The following MSRA variants were observed in gnomAD, a reference collection of about 807,000 sequenced individuals.
The protein encoded by MSRA is methionine sulfoxide reductase A.
Under a neutral mutation model 31.3 loss-of-function variants are expected in MSRA, and 54 were observed. The observed-to-expected ratio is 1.73, with a 90% CI of 1.39 to 2.17. MSRA has a LOEUF of 2.17. Ranked by LOEUF, MSRA falls within the 30% of genes most tolerant of loss-of-function variation. The pLI is 0.00. For missense variants in MSRA, 507 were observed against 300.9 expected (o/e 1.69, Z -5.07); for synonymous variants, 169 against 116.5 (o/e 1.45, Z -2.90).
intron 5 of MSRA, among the ~76,000 whole-genome samples, chr8:10,327,083 C>A (rs555718315): frequency 1.4e-4 from 22 of 152,110 alleles, no homozygotes; most frequent in South Asian, 4.2e-4. Context: ...ATTTCTCTCG[C>A]GAAAAAGAGA....
At chr8:10,365,142 CA>C (rs1171189760) in intron 5 of MSRA, among the ~76,000 whole-genome samples, 1,759 of 61,294 alleles carry the variant, frequency 0.029, 20 homozygotes, top group African/African-American at 0.076. Context: ...GTGAAGCAAC[CA>C]AAAAAAAAAA....
intron 2 of MSRA, among the ~76,000 whole-genome samples, chr8:10,213,599 G>A (rs1809716204): frequency 6.6e-6 from 1 of 151,872 alleles, no homozygotes; most frequent in Non-Finnish European, 1.5e-5. Context: ...AACATGCCTG[G>A]CTAATTTTCT....
chr8:10,255,730 T>C (rs1212806465), intron 3 of MSRA, among the ~76,000 whole-genome samples: 1 of 150,246 alleles, frequency 6.7e-6, no homozygotes, highest in Non-Finnish European at 1.5e-5. Context: ...GGTCGTAAAA[T>C]GGTGAAATCA....
chr8:10,249,428 A>G (rs891800152), intron 3 of MSRA, among the ~76,000 whole-genome samples: 1 of 152,160 alleles, frequency 6.6e-6, no homozygotes, highest in African/African-American at 2.4e-5. Flanking sequence ...TGCCTCCTGC[A>G]TTTCCCTGGA....
chr8:10,287,625 G>C (rs552956895), intron 3 of MSRA, among the ~76,000 whole-genome samples: 1 of 152,160 alleles, frequency 6.6e-6, no homozygotes, highest in African/African-American at 2.4e-5. Context: ...CTTACTATTA[G>C]TGTCTTGGTC....
At chr8:10,102,304 T>G (rs1212025315) in intron 1 of MSRA, among the ~76,000 whole-genome samples, 1 of 152,210 alleles carries the variant, frequency 6.6e-6, no homozygotes, top group Non-Finnish European at 1.5e-5. Flanking sequence ...CTACCAGTGC[T>G]TGATACTGAT....
intron 3 of MSRA, among the ~76,000 whole-genome samples, chr8:10,256,520 T>G (rs576048441): frequency 6.6e-6 from 1 of 152,338 alleles, no homozygotes; most frequent in South Asian, 2.1e-4. Context: ...AATGAAGTTC[T>G]ACCAGAGAGG....
intron 5 of MSRA, among the ~76,000 whole-genome samples, chr8:10,331,391 A>G (rs1008962449): frequency 6.6e-6 from 1 of 152,176 alleles, no homozygotes; most frequent in Non-Finnish European, 1.5e-5. Flanking sequence ...GGGGAAATTA[A>G]GAACAGTGGA....
At position 10,219,805 on chromosome 8, in the gene MSRA, C is replaced by CAAAAAAAAAAAAAAAAAAAAA. The variant is rs202000887; in HGVS notation, c.211+11904_211+11905insAAAAAAAAAAAAAAAAAAAAA. Among the ~76,000 whole-genome samples the CAAAAAAAAAAAAAAAAAAAAA allele has an allele frequency of 2.4e-4, 11 of 46,072 alleles. 1 individual carries two copies. Among genetic ancestry groups the CAAAAAAAAAAAAAAAAAAAAA allele is most frequent in the African/African-American group, 1.8e-3 (11 of 5,998 alleles). 30.2% of individuals were successfully genotyped at this position (46,072 alleles called of 152,430 possible). A position where few individuals can be genotyped will look rare whatever the true frequency, so the allele number is the denominator to read the frequency against. On this transcript the variant is annotated intron_variant, in intron 2 of 5. Coordinates refer to ENST00000317173, the MANE Select transcript of MSRA (RefSeq NM_012331.5). ...TGGACGACAGATCGAGACTCTGTCT[C>CAAAAAAAAAAAAAAAAAAAAA]CAAAAAAAAAAAAAAAAAAAAAAGA...
At chr8:10,243,778 C>T (rs186682866) in intron 2 of MSRA, among the ~76,000 whole-genome samples, 159 of 152,178 alleles carry the variant, frequency 1.0e-3, no homozygotes, top group Middle Eastern at 3.4e-3. Flanking sequence ...AATAAAAGTG[C>T]ATGTAATTGT....
intron 1 of MSRA, among the ~76,000 whole-genome samples, chr8:10,114,744 T>C (rs1004088414): frequency 3.9e-5 from 6 of 152,164 alleles, no homozygotes; most frequent in Non-Finnish European, 8.8e-5. Context: ...CACAAAAATT[T>C]ACTAAAGGGA....
At chr8:10,290,564 T>G (rs1010938794) in intron 3 of MSRA, among the ~76,000 whole-genome samples, 8 of 152,204 alleles carry the variant, frequency 5.3e-5, no homozygotes, top group African/African-American at 1.9e-4. Flanking sequence ...TGAGAATGCA[T>G]ATGCCAGGCC....
At chr8:10,316,854 G>T (rs959845486) in intron 4 of MSRA, among the ~76,000 whole-genome samples, 45 of 152,206 alleles carry the variant, frequency 3.0e-4, no homozygotes, top group African/African-American at 1.1e-3. Flanking sequence ...AGGACTTCGG[G>T]ACACCATGGC....
chr8:10,117,342 C>G (rs748687280), intron 1 of MSRA, among the ~76,000 whole-genome samples: 7 of 152,124 alleles, frequency 4.6e-5, no homozygotes, highest in Non-Finnish European at 1.0e-4. Context: ...GAAGGGGCAA[C>G]AAACACAGCC....
intron 4 of MSRA, among the ~76,000 whole-genome samples, chr8:10,315,097 AC>A (rs1292640157): frequency 6.6e-6 from 1 of 152,032 alleles, no homozygotes; most frequent in African/African-American, 2.4e-5. Flanking sequence ...CCTTTATAAA[AC>A]CATCAGATCT....
chr8:10,206,572 C>T (rs773974358), intron 1 of MSRA, among the ~76,000 whole-genome samples: 21 of 152,230 alleles, frequency 1.4e-4, no homozygotes, highest in Admixed American at 9.8e-4. Context: ...GCCATTGCTT[C>T]TCAAAATAGC....
intron 5 of MSRA, among the ~76,000 whole-genome samples, chr8:10,403,742 C>T (rs1807614749): frequency 6.6e-6 from 1 of 152,212 alleles, no homozygotes; most frequent in Non-Finnish European, 1.5e-5. Flanking sequence ...GAAGATGTAG[C>T]AGCGATGCCG....
intron 1 of MSRA, among the ~76,000 whole-genome samples, chr8:10,081,070 A>G (rs1285427401): frequency 6.6e-6 from 1 of 152,248 alleles, no homozygotes; most frequent in Non-Finnish European, 1.5e-5. Flanking sequence ...GAGGCAGGGC[A>G]GGGCAGGGCC....
chr8:10,155,907 C>G (rs1348186972), intron 1 of MSRA, among the ~76,000 whole-genome samples: 4 of 152,058 alleles, frequency 2.6e-5, no homozygotes, highest in Admixed American at 6.5e-5. Flanking sequence ...TCAACTGATT[C>G]AGGATGGATG....
Sources: gnomAD v4.1 joint callset for allele counts (sites outside exome capture counted in the v4.1 genomes callset) on GRCh38, gnomAD v4.1.1 for gene constraint, MANE v1.5 for transcripts, NCBI Gene and HGNC (gene_info 2026-07-23, HGNC 2026-07-21) for gene names.